The following CSMD3 variants were observed in gnomAD, a reference collection of about 807,000 sequenced individuals.
CSMD3 encodes the protein CUB and sushi domain-containing protein 3.
Under a neutral mutation model 435.2 loss-of-function variants are expected in CSMD3, and 177 were observed. That is an observed-to-expected ratio of 0.41 (90% CI 0.36 to 0.46). The LOEUF is 0.46. CSMD3 is among the 20% of genes least tolerant of loss of function. The pLI is 0.34. For synonymous variants in CSMD3, 1,656 were observed against 1,520.5 expected (o/e 1.09, Z -2.07); for missense variants, 4,265 against 4,504.6 (o/e 0.95, Z 1.52).
At chr8:112,687,762 G>GC (rs1419265773) in intron 14 of CSMD3, among the ~76,000 whole-genome samples, 1 of 151,522 alleles carries the variant, frequency 6.6e-6, no homozygotes, top group Non-Finnish European at 1.5e-5. Flanking sequence ...TTTTTCTTCT[G>GC]CCCCCATAAA....
At chr8:112,461,332 A>T (rs1220672543) in intron 32 of CSMD3, among the ~76,000 whole-genome samples, 1 of 152,192 alleles carries the variant, frequency 6.6e-6, no homozygotes, top group African/African-American at 2.4e-5. Context: ...TCTGCATGAC[A>T]GAATAATGAA....
intron 22 of CSMD3, among the ~76,000 whole-genome samples, chr8:112,613,107 A>G (rs1833393205): frequency 6.6e-6 from 1 of 152,074 alleles, no homozygotes; most frequent in Non-Finnish European, 1.5e-5. Flanking sequence ...TCTATGTGTT[A>G]TAAAATTACT....
Position 112,417,648 on chromosome 8 carries a change from T to A in CSMD3, c.5396-8616A>T, listed in dbSNP as rs562154840. On this transcript the variant is annotated intron_variant, in intron 32 of 70. Transcript: ENST00000297405. ...ATCAAGCTTAGTTTGTCTTAAGACT[T>A]CAAGATGGCTATGCACTTCTCTGTC... Among the ~76,000 whole-genome samples the A allele has an allele frequency of 8.5e-5, 13 of 152,298 alleles. No homozygotes were observed. The East Asian group carries it at 2.5e-3, about 29-fold the overall frequency.
At position 112,335,459 on chromosome 8, in the gene CSMD3, T is replaced by C; in HGVS notation, c.7035A>G (p.Gln2345=). ...DFITVWDGPD[Q]NSPQIGQFSG... ...TGAACTGACCGATCTGAGGTGAATT[T>C]TGGTCTGGTCCATCCCTATGAGACA... The change falls in exon 45 of 71, where the codon CAA becomes CAG. Residue 2345 remains glutamine, a synonymous_variant. Transcript: ENST00000297405. 6.2e-7 allele frequency: 1 copy of C among 1,614,018 alleles called. No homozygotes were observed. The highest frequency in any genetic ancestry group is 8.5e-7 in the Non-Finnish European group (1 of 1,179,958).
chr8:112,678,408 CTG>C (rs2075813593), intron 16 of CSMD3, among the ~76,000 whole-genome samples: 1 of 152,110 alleles, frequency 6.6e-6, no homozygotes, highest in African/African-American at 2.4e-5. Context: ...TCAAAAGTAC[CTG>C]CAACAAGATG....
chr8:113,133,352 C>T (rs1423492949), intron 4 of CSMD3, among the ~76,000 whole-genome samples: 1 of 151,896 alleles, frequency 6.6e-6, no homozygotes, highest in African/African-American at 2.4e-5. Flanking sequence ...CAAATGAAAA[C>T]CACAAAGAGA....
intron 27 of CSMD3, among the ~76,000 whole-genome samples, chr8:112,537,842 A>G (rs1826278856): frequency 6.6e-6 from 1 of 152,094 alleles, no homozygotes. Flanking sequence ...CTATTTCAAA[A>G]AACTGAAAAG....
At chr8:112,939,914 T>C (rs1002861660) in intron 9 of CSMD3, among the ~76,000 whole-genome samples, 4 of 151,956 alleles carry the variant, frequency 2.6e-5, no homozygotes, top group Admixed American at 6.6e-5. Context: ...TAATTACAAA[T>C]ACTTATAGCA....
intron 4 of CSMD3, among the ~76,000 whole-genome samples, chr8:113,167,340 T>C (rs559893236): frequency 9.2e-5 from 14 of 152,302 alleles, no homozygotes; most frequent in African/African-American, 3.4e-4. Flanking sequence ...AAAACTATCA[T>C]TTAATCTAAT....
At chr8:112,858,598 G>C (rs564604005) in intron 11 of CSMD3, among the ~76,000 whole-genome samples, 1 of 151,890 alleles carries the variant, frequency 6.6e-6, no homozygotes, top group Non-Finnish European at 1.5e-5. Flanking sequence ...TTTGCTTGAG[G>C]TATAGTGGCA....
chr8:113,010,172 A>G (rs888925827), intron 6 of CSMD3, among the ~76,000 whole-genome samples: 2 of 151,652 alleles, frequency 1.3e-5, no homozygotes, highest in South Asian at 4.1e-4. Context: ...CAGCAGAAGT[A>G]GATCCCTACA....
At chr8:112,544,698 C>T (rs375556681) in intron 27 of CSMD3, among the ~76,000 whole-genome samples, 6 of 152,012 alleles carry the variant, frequency 3.9e-5, no homozygotes, top group Non-Finnish European at 8.8e-5. Context: ...TTTTTGGTTT[C>T]GTTTCAATTT....
At chr8:112,406,845 A>G (rs1186892201) in intron 34 of CSMD3, 118 bp from the exon 35 acceptor site, 1 of 546,408 alleles carries the variant, frequency 1.8e-6, no homozygotes, top group Non-Finnish European at 3.1e-6. Flanking sequence ...ACTTGAATTA[A>G]CAATTTGAAT....
chr8:112,790,255 T>C (rs1425059999), intron 13 of CSMD3, among the ~76,000 whole-genome samples: 1 of 152,034 alleles, frequency 6.6e-6, no homozygotes, highest in Non-Finnish European at 1.5e-5. Flanking sequence ...TTTTTAAACC[T>C]GACTCTAATC....
intron 3 of CSMD3, among the ~76,000 whole-genome samples, chr8:113,267,669 T>G (rs1342718348): frequency 6.6e-6 from 1 of 151,566 alleles, no homozygotes; most frequent in Non-Finnish European, 1.5e-5. Flanking sequence ...AAGGAATAAA[T>G]TCAATGTTTG....
intron 10 of CSMD3, among the ~76,000 whole-genome samples, chr8:112,913,475 G>A (rs1008838038): frequency 6.6e-6 from 1 of 151,962 alleles, no homozygotes; most frequent in Admixed American, 6.6e-5. Flanking sequence ...TCTGTGCTGG[G>A]AGGCTTAGAG....
intron 2 of CSMD3, among the ~76,000 whole-genome samples, chr8:113,295,914 T>C (rs2093717424): frequency 6.6e-6 from 1 of 152,108 alleles, no homozygotes; most frequent in Non-Finnish European, 1.5e-5. Context: ...CCAACAATCA[T>C]AGACTGGATT....
intron 1 of CSMD3, among the ~76,000 whole-genome samples, chr8:113,394,766 A>G (rs955776158): frequency 6.6e-6 from 1 of 152,168 alleles, no homozygotes; most frequent in Non-Finnish European, 1.5e-5. Flanking sequence ...TAGACTCTGC[A>G]TTCAAGAAAT....
chr8:112,799,060 G>T (rs559495882), intron 13 of CSMD3, among the ~76,000 whole-genome samples: 8 of 151,894 alleles, frequency 5.3e-5, no homozygotes, highest in African/African-American at 1.9e-4. Flanking sequence ...TTTAAATTTT[G>T]TAACCTTGTT....
Sources: gnomAD v4.1 joint callset for allele counts (sites outside exome capture counted in the v4.1 genomes callset) on GRCh38, gnomAD v4.1.1 for gene constraint, MANE v1.5 for transcripts, NCBI Gene and HGNC (gene_info 2026-07-23, HGNC 2026-07-21) for gene names.